AP1AR: variants seen among roughly 807,000 people sequenced by gnomAD.
AP1AR encodes adaptor related protein complex 1 associated regulatory protein, also known as AP-1 complex-associated regulatory protein.
Under a neutral mutation model 46.3 loss-of-function variants are expected in AP1AR, and 29 were observed. The ratio of observed to expected loss-of-function variants is 0.63; its 90% CI spans 0.47 to 0.85. The LOEUF (loss-of-function observed/expected upper bound fraction) is 0.85, where lower values mean the gene tolerates loss of function less well. Among genes scored for constraint, AP1AR ranks in the 40% least tolerant of loss-of-function variants. The probability of loss-of-function intolerance (pLI) is 0.00; values close to 1 mark genes in which losing one functional copy is unlikely to be tolerated. For synonymous variants in AP1AR, 122 were observed against 122.9 expected, an observed-to-expected ratio of 0.99 and a Z score of 0.05; for missense variants, 357 against 356.3, an observed-to-expected ratio of 1.00 and a Z score of -0.02.
At chr4:112,234,007 C>A (rs1206214384) in intron 1 of AP1AR, among the ~76,000 whole-genome samples, 2 of 152,270 alleles carry the variant, frequency 1.3e-5, no homozygotes, top group Non-Finnish European at 1.5e-5. Context: ...TGCAGGCGCC[C>A]GCCACCATGC....
intron 1 of AP1AR, among the ~76,000 whole-genome samples, chr4:112,250,548 A>G (rs1725910066): frequency 6.6e-6 from 1 of 152,222 alleles, no homozygotes; most frequent in African/African-American, 2.4e-5. Context: ...ATGTTTGAAC[A>G]AGTAAACATA....
In AP1AR at chr4:112,258,789, A is replaced by C. The variant is rs75099085; in HGVS notation, c.185+992A>C. The stretch of plus-strand genomic sequence containing the variant: ...TTATCAAAACAACTTTATGAACTGA[A>C]CACTTAAAATCTATATTTCATTTTA... On this transcript the variant is annotated intron_variant, in intron 4 of 9. Coordinates refer to ENST00000274000, the MANE Select transcript of AP1AR (RefSeq NM_018569.6). Among the ~76,000 whole-genome samples the C allele has an allele frequency of 3.9e-3, 589 of 152,358 alleles. 1 individual carries two copies. Among genetic ancestry groups the C allele is most frequent in the African/African-American group, 0.013 (546 of 41,588 alleles).
In AP1AR at chr4:112,241,463, G is replaced by A. The variant is rs149370969; in HGVS notation, c.83+9289G>A. ...GTCTCAGTTCATGGGCGGAAGACCA[G>A]TGTCTCAGCTCAAGCAGTCAAGTAG... is the stretch of plus-strand genomic sequence containing the variant. On this transcript the variant is annotated intron_variant, in intron 1 of 9. Transcript: ENST00000274000. Among the ~76,000 whole-genome samples, 690 of 152,318 alleles carry A rather than the reference G, an allele frequency of 4.5e-3. 5 individuals carry two copies. The highest frequency in any genetic ancestry group is 0.016 in the African/African-American group (654 of 41,572).
At chr4:112,242,795 T>C (rs1725565325) in intron 1 of AP1AR, among the ~76,000 whole-genome samples, 1 of 152,164 alleles carries the variant, frequency 6.6e-6, no homozygotes, top group African/African-American at 2.4e-5. Flanking sequence ...ACATCCAAGC[T>C]ATAACACAAT....
chr4:112,248,166 A>G (rs1725800975), intron 1 of AP1AR, among the ~76,000 whole-genome samples: 1 of 152,200 alleles, frequency 6.6e-6, no homozygotes. Flanking sequence ...AAAGTGAGAA[A>G]TTTTGTAGGA....
At chr4:112,235,624 T>C (rs1725206157) in intron 1 of AP1AR, among the ~76,000 whole-genome samples, 1 of 152,172 alleles carries the variant, frequency 6.6e-6, no homozygotes, top group Admixed American at 6.5e-5. Flanking sequence ...ATATATATTA[T>C]ATATATTATA....
Position 112,266,501 on chromosome 4 carries a change from A to C in AP1AR, c.515-87A>C, listed in dbSNP as rs558774573. ...GCTAAAAGTAATAATAATAATATTT[A>C]GAGACAGATAATTGTTACAAAATAA... On this transcript the variant is annotated intron_variant, in intron 8 of 9. Transcript: ENST00000274000. The C allele has an allele frequency of 1.2e-5, 15 of 1,209,846 alleles. No homozygotes were observed. The African/African-American group carries it at 1.4e-4, about 11-fold the overall frequency. 74.9% of individuals were successfully genotyped at this position (1,209,846 alleles called of 1,614,324 possible).
chr4:112,263,765 T>C (rs531938629), intron 6 of AP1AR, among the ~76,000 whole-genome samples: 2 of 152,310 alleles, frequency 1.3e-5, no homozygotes, highest in African/African-American at 4.8e-5. Flanking sequence ...CTCACAACAA[T>C]CTTATGAGAT....
intron 1 of AP1AR, among the ~76,000 whole-genome samples, chr4:112,245,944 A>G (rs530157145): frequency 1.8e-4 from 28 of 152,222 alleles, no homozygotes; most frequent in African/African-American, 5.8e-4. Flanking sequence ...TTTGCTTCCT[A>G]TCTTTCCTTC....
intron 5 of AP1AR, among the ~76,000 whole-genome samples, chr4:112,262,093 T>C (rs181288451): frequency 1.3e-5 from 2 of 152,206 alleles, no homozygotes; most frequent in African/African-American, 2.4e-5. Flanking sequence ...ACAGGCAGAT[T>C]GCTCAAGTCC....
At chr4:112,243,230 T>A (rs1725583678) in intron 1 of AP1AR, among the ~76,000 whole-genome samples, 1 of 152,230 alleles carries the variant, frequency 6.6e-6, no homozygotes, top group Non-Finnish European at 1.5e-5. Flanking sequence ...CATCACTTTG[T>A]CCTTTATCGT....
At chr4:112,256,673 T>C (rs559643049) in intron 3 of AP1AR, among the ~76,000 whole-genome samples, 9 of 152,362 alleles carry the variant, frequency 5.9e-5, no homozygotes, top group African/African-American at 2.2e-4. Flanking sequence ...ATATTTTAAC[T>C]TTCAGTTATG....
chr4:112,246,135 ATTAC>A (rs1409388324), intron 1 of AP1AR, among the ~76,000 whole-genome samples: 3 of 152,154 alleles, frequency 2.0e-5, no homozygotes, highest in Admixed American at 2.0e-4. Context: ...ATAATGAAAT[ATTAC>A]TACACAGTAC....
rs1726836108 is a variant in AP1AR at position 112,269,046 on chromosome 4, A to G, written c.*637A>G. 2 of 151,024 alleles carry G rather than the reference A, an allele frequency of 1.3e-5. No homozygotes were observed. Among genetic ancestry groups the G allele is most frequent in the African/African-American group, 4.9e-5 (2 of 41,230 alleles). The allele number at this position is 151,024 out of a possible 1,614,324, so 9.4% of individuals were successfully genotyped here. ...AGATAATATAAAAATAACCCTTCAG[A>G]GTTTGGACATTTCAAGTTGGTAATA... is the stretch of plus-strand genomic sequence containing the variant. On this transcript the variant is annotated 3_prime_UTR_variant, in exon 10 of 10. Coordinates refer to ENST00000274000, the MANE Select transcript of AP1AR (RefSeq NM_018569.6).
intron 1 of AP1AR, among the ~76,000 whole-genome samples, chr4:112,244,049 A>G (rs545076200): frequency 6.6e-6 from 1 of 152,322 alleles, no homozygotes; most frequent in Non-Finnish European, 1.5e-5. Context: ...AATACTGCAT[A>G]TTATAAAATT....
intron 4 of AP1AR, among the ~76,000 whole-genome samples, chr4:112,259,736 A>C (rs1340975686): frequency 1.3e-5 from 2 of 152,224 alleles, no homozygotes; most frequent in South Asian, 2.1e-4. Context: ...AAGGTCCCAG[A>C]GAATTGCCTG....
chr4:112,233,490 A>G (rs936684465), intron 1 of AP1AR, among the ~76,000 whole-genome samples: 1 of 152,236 alleles, frequency 6.6e-6, no homozygotes, highest in African/African-American at 2.4e-5. Flanking sequence ...TTACAAGGTC[A>G]AGCTGCTTAA....
intron 1 of AP1AR, among the ~76,000 whole-genome samples, chr4:112,251,756 T>C (rs1414718678): frequency 6.6e-6 from 1 of 152,162 alleles, no homozygotes; most frequent in Non-Finnish European, 1.5e-5. Flanking sequence ...GATAGAGGAT[T>C]AAGGGTATTG....
intron 1 of AP1AR, among the ~76,000 whole-genome samples, chr4:112,247,825 G>A (rs1179288487): frequency 2.6e-5 from 4 of 152,130 alleles, no homozygotes; most frequent in Non-Finnish European, 5.9e-5. Context: ...CATTGTTTTT[G>A]TACTCTGTAG....
Sources: allele counts gnomAD v4.1 joint callset (sites outside exome capture counted in the v4.1 genomes callset), GRCh38; gene constraint gnomAD v4.1.1; transcripts MANE v1.5; gene names NCBI Gene and HGNC (gene_info 2026-07-23, HGNC 2026-07-21).